The following SLC25A48 variants were observed in gnomAD, a reference collection of about 807,000 sequenced individuals.
SLC25A48 encodes the protein solute carrier family 25 member 48.
A neutral mutation model predicts 32.2 loss-of-function variants in SLC25A48; 29 were observed. The ratio of observed to expected loss-of-function variants is 0.90; its 90% confidence interval spans 0.67 to 1.23. The LOEUF is 1.23. Ranked by LOEUF, SLC25A48 falls within the 50% of genes most tolerant of loss-of-function variation. The probability of loss-of-function intolerance (pLI) is 0.00; values close to 1 mark genes in which losing one functional copy is unlikely to be tolerated. For missense variants in SLC25A48, 399 were observed against 422.7 expected, an observed-to-expected ratio of 0.94 and a Z score of 0.49; for synonymous variants, 164 against 172.3, an observed-to-expected ratio of 0.95 and a Z score of 0.38.
At chr5:135,623,017 C>T (rs1428972418) in intron 1 of SLC25A48, among the ~76,000 whole-genome samples, 1 of 152,192 alleles carries the variant, frequency 6.6e-6, no homozygotes, top group Non-Finnish European at 1.5e-5. Flanking sequence ...GAAACCCCTT[C>T]TGAGTCAACC....
At chr5:135,704,116 A>G (rs1418974809) in intron 3 of SLC25A48, among the ~76,000 whole-genome samples, 1 of 152,192 alleles carries the variant, frequency 6.6e-6, no homozygotes, top group Non-Finnish European at 1.5e-5. Context: ...GGTTTCAGTG[A>G]TGGGTTCACA....
At chr5:135,605,004 G>C (rs879476882) in intron 1 of SLC25A48, among the ~76,000 whole-genome samples, 24 of 152,176 alleles carry the variant, frequency 1.6e-4, no homozygotes, top group Non-Finnish European at 3.1e-4. Flanking sequence ...TGCTATGTAG[G>C]TGTTCTTGAA....
At chr5:135,658,226 T>G (rs1382494764) in intron 3 of SLC25A48, among the ~76,000 whole-genome samples, 3 of 152,196 alleles carry the variant, frequency 2.0e-5, no homozygotes, top group Admixed American at 1.3e-4. Context: ...GGTACAGGCA[T>G]AGGGTTAATG....
intron 2 of SLC25A48, among the ~76,000 whole-genome samples, chr5:135,634,081 G>A (rs1381295824): frequency 6.6e-6 from 1 of 152,170 alleles, no homozygotes; most frequent in African/African-American, 2.4e-5. Context: ...CCTTGCCCAT[G>A]GCTCTATCTC....
chr5:135,650,167 C>T (rs563415329), intron 3 of SLC25A48: 4 of 212,718 alleles, frequency 1.9e-5, no homozygotes, highest in African/African-American at 9.5e-5. Flanking sequence ...GCTCCAGTGC[C>T]AGAAATTCTG....
chr5:135,614,325 A>T (rs1752139425), intron 1 of SLC25A48, among the ~76,000 whole-genome samples: 1 of 152,154 alleles, frequency 6.6e-6, no homozygotes. Context: ...GTTTTTGGTG[A>T]GTCTTTTCTA....
At chr5:135,631,716 A>G (rs1311269482) in intron 2 of SLC25A48, among the ~76,000 whole-genome samples, 1 of 152,234 alleles carries the variant, frequency 6.6e-6, no homozygotes, top group African/African-American at 2.4e-5. Context: ...AGAGTGGAAC[A>G]GGGCTACTCC....
chr5:135,860,889 C>G (rs990755194), intron 4 of SLC25A48, among the ~76,000 whole-genome samples: 1 of 152,152 alleles, frequency 6.6e-6, no homozygotes, highest in Non-Finnish European at 1.5e-5. Flanking sequence ...CTGGCTTCTT[C>G]GCTCTGGTAC....
At chr5:135,815,484 C>T (rs988248938) in intron 4 of SLC25A48, among the ~76,000 whole-genome samples, 2 of 152,186 alleles carry the variant, frequency 1.3e-5, no homozygotes, top group Non-Finnish European at 2.9e-5. Flanking sequence ...TTGGGGACCC[C>T]TGCTATAAAG....
At chr5:135,729,959 G>A (rs1265922583) in intron 3 of SLC25A48, among the ~76,000 whole-genome samples, 1 of 152,040 alleles carries the variant, frequency 6.6e-6, no homozygotes, top group Non-Finnish European at 1.5e-5. Flanking sequence ...CCTGTCTCAC[G>A]TGCTCAGAGC....
intron 4 of SLC25A48, among the ~76,000 whole-genome samples, chr5:135,866,683 G>A (rs1226816326): frequency 6.6e-6 from 1 of 152,242 alleles, no homozygotes; most frequent in Non-Finnish European, 1.5e-5. Flanking sequence ...TAAGGCACTG[G>A]CACTTCACAG....
At chr5:135,595,387 G>T (rs1751624840) in intron 1 of SLC25A48, among the ~76,000 whole-genome samples, 1 of 152,166 alleles carries the variant, frequency 6.6e-6, no homozygotes, top group South Asian at 2.1e-4. Flanking sequence ...CCCCACACTG[G>T]ATTGGAAGGT....
Position 135,734,795 on chromosome 5 carries a change from C to T in SLC25A48, c.-520-77728C>T, listed in dbSNP as rs377497890. On this transcript the variant is annotated intron_variant, in intron 3 of 10. Coordinates refer to the SLC25A48 transcript ENST00000646290. ...TCGTGCCACTGCACTCCAGCCTGGG[C>T]GACAGAGCAAGACTGCATCTCAAAA... Among the ~76,000 whole-genome samples the T allele has an allele frequency of 1.3e-4, 18 of 137,468 alleles. No individual in the cohort carries two copies. In the South Asian group the frequency reaches 1.9e-3, roughly 14 times the overall value. The allele number at this position is 137,468 out of a possible 152,430, so 90.2% of individuals were successfully genotyped here. A position where few individuals can be genotyped will look rare whatever the true frequency, so the allele number is the denominator to read the frequency against.
rs990691866 is a variant in SLC25A48 at position 135,843,525 on chromosome 5, T to C, written c.90+1066T>C. Among the ~76,000 whole-genome samples, 7 of 152,192 alleles carry C rather than the reference T, an allele frequency of 4.6e-5. No individual in the cohort carries two copies. The East Asian group carries it at 1.2e-3, about 25-fold the overall frequency. ...GAACACAACAGATGCACAAATCAGT[T>C]ATGGACAGTGGTAGGTGCTGGGGGA... On this transcript the variant is annotated intron_variant, in intron 2 of 7. Transcript: ENST00000681962.
chr5:135,642,794 C>G (rs2126918007), intron 3 of SLC25A48, among the ~76,000 whole-genome samples: 1 of 152,254 alleles, frequency 6.6e-6, no homozygotes, highest in South Asian at 2.1e-4. Flanking sequence ...AAAAGGGGAA[C>G]TGAGGATGAG....
At chr5:135,635,585 C>G (rs1381621878) in intron 3 of SLC25A48, among the ~76,000 whole-genome samples, 5 of 152,174 alleles carry the variant, frequency 3.3e-5, no homozygotes, top group Non-Finnish European at 7.4e-5. Context: ...GTCATTTTGC[C>G]TTGAATGAAT....
chr5:135,662,940 T>G (rs939547824), intron 3 of SLC25A48, among the ~76,000 whole-genome samples: 1 of 152,108 alleles, frequency 6.6e-6, no homozygotes, highest in African/African-American at 2.4e-5. Context: ...GCTCACATTC[T>G]CCACTGCCTT....
intron 3 of SLC25A48, among the ~76,000 whole-genome samples, chr5:135,764,096 C>T (rs1756136068): frequency 1.3e-5 from 2 of 152,022 alleles, no homozygotes; most frequent in African/African-American, 4.8e-5. Flanking sequence ...CTCCCCATAT[C>T]GCAAGGGGTG....
At chr5:135,802,337 C>A (rs938014164) in intron 3 of SLC25A48, among the ~76,000 whole-genome samples, 3 of 151,468 alleles carry the variant, frequency 2.0e-5, no homozygotes, top group African/African-American at 7.3e-5. Flanking sequence ...TGTGTGTAGA[C>A]CCTATGATAT....
Sources: gnomAD v4.1 joint callset for allele counts (sites outside exome capture counted in the v4.1 genomes callset) on GRCh38, gnomAD v4.1.1 for gene constraint, MANE v1.5 for transcripts, NCBI Gene and HGNC (gene_info 2026-07-23, HGNC 2026-07-21) for gene names.